The following ATP8A2 variants were observed in gnomAD, a reference collection of about 807,000 sequenced individuals.
ATP8A2 encodes ATPase phospholipid transporting 8A2.
ATP8A2 carries 100 observed loss-of-function variants against 165.6 expected under a neutral mutation model. That is an observed-to-expected ratio of 0.60 (90% CI 0.51 to 0.71). ATP8A2 has a LOEUF of 0.71. Among genes scored for constraint, ATP8A2 ranks in the 30% least tolerant of loss-of-function variants. The probability of loss-of-function intolerance (pLI) is 0.00; values close to 1 mark genes in which losing one functional copy is unlikely to be tolerated. For synonymous variants in ATP8A2, 543 were observed against 548.8 expected, an observed-to-expected ratio of 0.99 and a Z score of 0.15; for missense variants, 1,227 against 1,479.5, an observed-to-expected ratio of 0.83 and a Z score of 2.80.
chr13:25,542,372 G>A (rs1173761336), intron 9 of ATP8A2, among the ~76,000 whole-genome samples: 2 of 151,010 alleles, frequency 1.3e-5, no homozygotes, highest in African/African-American at 2.4e-5. Flanking sequence ...TTACAGAAAT[G>A]TGTGTATGTG....
At chr13:25,617,448 A>T (rs1354743178) in intron 24 of ATP8A2, among the ~76,000 whole-genome samples, 1 of 152,230 alleles carries the variant, frequency 6.6e-6, no homozygotes, top group Non-Finnish European at 1.5e-5. Flanking sequence ...AGTTATCATC[A>T]GTATTCATTA....
chr13:25,920,804 C>T (rs1954427416), intron 33 of ATP8A2, among the ~76,000 whole-genome samples: 1 of 152,186 alleles, frequency 6.6e-6, no homozygotes, highest in African/African-American at 2.4e-5. Flanking sequence ...ATCCAGAGGG[C>T]AGGCTGGGCC....
At chr13:25,826,096 A>G (rs1296597026) in intron 27 of ATP8A2, among the ~76,000 whole-genome samples, 2 of 152,228 alleles carry the variant, frequency 1.3e-5, no homozygotes, top group East Asian at 3.8e-4. Flanking sequence ...AATTTCAAAT[A>G]TTCTCACACC....
At chr13:25,508,521 G>A (rs2037121841) in intron 2 of ATP8A2, among the ~76,000 whole-genome samples, 2 of 152,180 alleles carry the variant, frequency 1.3e-5, no homozygotes, top group African/African-American at 4.8e-5. Flanking sequence ...TGACTTGCAA[G>A]GATTTTGCAA....
intron 24 of ATP8A2, among the ~76,000 whole-genome samples, chr13:25,659,312 A>T (rs1384306767): frequency 6.6e-6 from 1 of 152,224 alleles, no homozygotes; most frequent in Non-Finnish European, 1.5e-5. Flanking sequence ...CTGGAACTTT[A>T]GGCAAGTTAA....
At chr13:25,893,022 AT>A (rs1169575531) in intron 33 of ATP8A2, among the ~76,000 whole-genome samples, 3 of 150,340 alleles carry the variant, frequency 2.0e-5, no homozygotes, top group Non-Finnish European at 3.0e-5. Context: ...TCCAGAGAAG[AT>A]TTTTTTTTCT....
At chr13:25,895,188 T>G (rs1162507674) in intron 33 of ATP8A2, among the ~76,000 whole-genome samples, 1 of 152,216 alleles carries the variant, frequency 6.6e-6, no homozygotes, top group African/African-American at 2.4e-5. Context: ...AGATAGCTCT[T>G]ATTATTTTGA....
At chr13:25,933,761 C>T (rs1016925040) in intron 33 of ATP8A2, among the ~76,000 whole-genome samples, 10 of 152,204 alleles carry the variant, frequency 6.6e-5, no homozygotes, top group African/African-American at 1.9e-4. Context: ...TGTCTGTCCA[C>T]GGGACTGGCT....
At chr13:25,449,176 T>G (rs1423204998) in intron 1 of ATP8A2, among the ~76,000 whole-genome samples, 2 of 152,172 alleles carry the variant, frequency 1.3e-5, no homozygotes, top group Non-Finnish European at 2.9e-5. Flanking sequence ...AGTTTATAAT[T>G]TGTTCTTCTT....
At chr13:25,875,678 A>G (rs747313270) in intron 33 of ATP8A2, among the ~76,000 whole-genome samples, 1 of 149,538 alleles carries the variant, frequency 6.7e-6, no homozygotes, top group Non-Finnish European at 1.5e-5. Context: ...AATGATAGAC[A>G]CTTCCATTTA....
At chr13:25,595,205 G>C (rs941087068) in intron 24 of ATP8A2, among the ~76,000 whole-genome samples, 1 of 152,106 alleles carries the variant, frequency 6.6e-6, no homozygotes, top group Non-Finnish European at 1.5e-5. Context: ...TAAACCAAAG[G>C]TTATTGTTAT....
intron 25 of ATP8A2, among the ~76,000 whole-genome samples, chr13:25,752,939 T>C (rs1244698903): frequency 6.6e-6 from 1 of 152,178 alleles, no homozygotes; most frequent in African/African-American, 2.4e-5. Flanking sequence ...CTTTGAGCTA[T>C]GTGTGATAGC....
intron 24 of ATP8A2, among the ~76,000 whole-genome samples, chr13:25,632,586 C>T (rs2041268581): frequency 6.6e-6 from 1 of 152,150 alleles, no homozygotes; most frequent in South Asian, 2.1e-4. Context: ...CTGACTTTTG[C>T]TCTAATGTTT....
intron 25 of ATP8A2, among the ~76,000 whole-genome samples, chr13:25,702,547 G>T (rs1309902835): frequency 6.6e-6 from 1 of 152,172 alleles, no homozygotes; most frequent in Non-Finnish European, 1.5e-5. Context: ...TTTTATTGTG[G>T]GCTTGCAAGT....
chr13:25,395,957 C>A (rs2033408483), intron 1 of ATP8A2, among the ~76,000 whole-genome samples: 1 of 151,750 alleles, frequency 6.6e-6, no homozygotes, highest in Non-Finnish European at 1.5e-5. Flanking sequence ...GCTTTCCCTA[C>A]CTCAGCTTCC....
At chr13:25,483,638 T>C (rs1401985912) in intron 2 of ATP8A2, among the ~76,000 whole-genome samples, 1 of 152,214 alleles carries the variant, frequency 6.6e-6, no homozygotes, top group African/African-American at 2.4e-5. Flanking sequence ...CAGTGGCTCA[T>C]GCCTGTAATC....
intron 33 of ATP8A2, among the ~76,000 whole-genome samples, chr13:25,931,371 C>G (rs1954765287): frequency 6.6e-6 from 1 of 152,186 alleles, no homozygotes; most frequent in African/African-American, 2.4e-5. Flanking sequence ...ATCTGAGCTC[C>G]AAAATACCTC....
At chr13:25,530,684 A>G (rs1303770903) in intron 4 of ATP8A2, 24 bp downstream of exon 4, 2 of 1,372,690 alleles carry the variant, frequency 1.5e-6, no homozygotes, top group East Asian at 2.4e-5. Flanking sequence ...TTTGGATAAT[A>G]AAATCATTGT....
chr13:25,953,661 C>T lies in ATP8A2; in HGVS notation c.3184-7914C>T, dbSNP rs1955439067. On this transcript the variant is annotated intron_variant, in intron 33 of 36. Coordinates refer to ENST00000381655, the MANE Select transcript of ATP8A2 (RefSeq NM_016529.6). The surrounding 1 kb of genome is among the most constrained non-coding windows in gnomAD (Gnocchi z 6.7). ...TTTCCAGCTGAGGAACCTGGTTCAT[C>T]TCACTGGGACTGGTTAGATAGTGGG... 6.6e-6 allele frequency among the ~76,000 whole-genome samples: 1 copy of T among 151,734 alleles called. No homozygotes were observed. Among genetic ancestry groups the T allele is most frequent in the Admixed American group, 6.6e-5 (1 of 15,242 alleles).
Sources: gnomAD v4.1 joint callset for allele counts (sites outside exome capture counted in the v4.1 genomes callset) on GRCh38, gnomAD v4.1.1 for gene constraint, Gnocchi (gnomAD v3.1) non-coding constraint, MANE v1.5 for transcripts, NCBI Gene and HGNC (gene_info 2026-07-23, HGNC 2026-07-21) for gene names.